Variants in MRO observed in about 807,000 individuals in gnomAD.
The protein encoded by MRO is maestro.
Under a neutral mutation model 31.0 loss-of-function variants are expected in MRO, and 28 were observed. The observed-to-expected ratio is 0.90, with a 90% CI of 0.67 to 1.24. The LOEUF (loss-of-function observed/expected upper bound fraction) is 1.24, where lower values mean the gene tolerates loss of function less well. Ranked by LOEUF, MRO falls within the 50% of genes most tolerant of loss-of-function variation. The probability of loss-of-function intolerance (pLI) is 0.00; values close to 1 mark genes in which losing one functional copy is unlikely to be tolerated. For synonymous variants in MRO, 108 were observed against 108.4 expected (o/e 1.00, Z 0.02); for missense variants, 332 against 289.2 (o/e 1.15, Z -1.07).
intron 5 of MRO, among the ~76,000 whole-genome samples, chr18:50,803,078 G>A (rs1029209718): frequency 2.0e-5 from 3 of 152,150 alleles, no homozygotes; most frequent in Non-Finnish European, 2.9e-5. Context: ...GCACGGGTGA[G>A]CTTCATGGCC....
At chr18:50,814,616 C>A in intron 2 of MRO, 1 of 213,214 alleles carries the variant, frequency 4.7e-6, no homozygotes, top group South Asian at 8.6e-5. Context: ...GGGCATATAG[C>A]GGAACCAAAG....
upstream of MRO, among the ~76,000 whole-genome samples, chr18:50,824,894 G>A (rs902733971): frequency 2.1e-4 from 32 of 150,872 alleles, no homozygotes; most frequent in Non-Finnish European, 7.4e-5. Flanking sequence ...GGCCAATGTG[G>A]TGAAACCCTG....
At chr18:50,823,257 T>TC (rs1915375169), upstream of MRO, among the ~76,000 whole-genome samples, 1 of 151,902 alleles carries the variant, frequency 6.6e-6, no homozygotes, top group Non-Finnish European at 1.5e-5. Flanking sequence ...TCCTCCCACT[T>TC]CTCTACCTAT....
At position 50,806,690 on chromosome 18, in the gene MRO, C is replaced by G. The variant is rs201053380; in HGVS notation, c.246+14G>C. On this transcript the variant is annotated intron_variant, in intron 4 of 7. Coordinates refer to ENST00000398439, the MANE Select transcript of MRO (RefSeq NM_031939.6). ...GGCTTGGGGAGCTGGCTGAGCCCCA[C>G]TCTCCTTCCCTACCTTGTCAGGGGC... 2 of 1,613,980 alleles carry G rather than the reference C, an allele frequency of 1.2e-6. No homozygotes were observed. Among genetic ancestry groups the G allele is most frequent in the East Asian group, 2.2e-5 (1 of 44,874 alleles).
chr18:50,804,322 C>T (rs941781923), intron 5 of MRO, among the ~76,000 whole-genome samples: 1 of 152,224 alleles, frequency 6.6e-6, no homozygotes, highest in Non-Finnish European at 1.5e-5. Flanking sequence ...AATATACCCA[C>T]TTCTCTGTTA....
In MRO at chr18:50,795,138, T is replaced by C. The variant is rs1912688120; in HGVS notation, c.*4199A>G. 6.6e-6 allele frequency: 1 copy of C among 152,226 alleles called. No individual in the cohort carries two copies. The highest frequency in any genetic ancestry group is 2.4e-5 in the African/African-American group (1 of 41,452). 9.4% of individuals were successfully genotyped at this position (152,226 alleles called of 1,614,324 possible). A position where few individuals can be genotyped will look rare whatever the true frequency, so the allele number is the denominator to read the frequency against. ...ACATAAATAAAATGATAATCAATCATAAGTCATTTTATTTGTTATCAAGTT... is the reference window on the plus strand; with the variant it reads ...ACATAAATAAAATGATAATCAATCACAAGTCATTTTATTTGTTATCAAGTT... On this transcript the variant is annotated 3_prime_UTR_variant, in exon 8 of 8. Transcript: ENST00000398439.
rs56936277 is a variant in MRO at position 50,808,457 on chromosome 18, C to CTTT, written c.99+842_99+844dup. ...ACAGTTCATTCCTTTTTTATCTTAT[C>CTTT]TTTTTTTTTTTTTTAATTTAAGACA... On this transcript the variant is annotated intron_variant, in intron 3 of 7. Coordinates refer to ENST00000398439, the MANE Select transcript of MRO (RefSeq NM_031939.6). Among the ~76,000 whole-genome samples, 119 of 142,688 alleles carry CTTT rather than the reference C, an allele frequency of 8.3e-4. 1 individual carries two copies. The highest frequency in any genetic ancestry group is 1.6e-3 in the South Asian group (7 of 4,424). 93.6% of individuals were successfully genotyped at this position (142,688 alleles called of 152,430 possible). A position where few individuals can be genotyped will look rare whatever the true frequency, so the allele number is the denominator to read the frequency against.
chr18:50,817,582 G>A (rs1355970263), intron 2 of MRO, among the ~76,000 whole-genome samples: 4 of 152,184 alleles, frequency 2.6e-5, no homozygotes, highest in African/African-American at 4.8e-5. Flanking sequence ...TGTCGGGCCT[G>A]AGCATTGCAC....
At chr18:50,802,904 A>ATG (rs1913505202) in intron 5 of MRO, among the ~76,000 whole-genome samples, 1 of 147,756 alleles carries the variant, frequency 6.8e-6, no homozygotes, top group African/African-American at 2.6e-5. Context: ...GTGTTTGTGT[A>ATG]TGTGTGTGTG....
intron 2 of MRO, among the ~76,000 whole-genome samples, chr18:50,811,203 A>G (rs1369443557): frequency 6.6e-6 from 1 of 152,266 alleles, no homozygotes; most frequent in East Asian, 1.9e-4. Flanking sequence ...TACTTTGTAG[A>G]TATGAGTAAC....
In MRO at chr18:50,799,975, G is replaced by A. The variant is rs182835094; in HGVS notation, c.693+61C>T. On this transcript the variant is annotated intron_variant, in intron 7 of 7. Coordinates refer to ENST00000398439, the MANE Select transcript of MRO (RefSeq NM_031939.6). ...TCTTTCTTGTGCTTGGCCACCTTCC[G>A]TGTTAACCACCAGGAGGGCAGGGAC... 4.3e-4 allele frequency: 516 copies of A among 1,187,758 alleles called. 1 individual carries two copies. Among genetic ancestry groups the A allele is most frequent in the Non-Finnish European group, 6.0e-4 (481 of 803,196 alleles). 73.6% of individuals were successfully genotyped at this position (1,187,758 alleles called of 1,614,324 possible). A position where few individuals can be genotyped will look rare whatever the true frequency, so the allele number is the denominator to read the frequency against.
chr18:50,808,937 A>C (rs1332084935), intron 3 of MRO, among the ~76,000 whole-genome samples: 27 of 150,908 alleles, frequency 1.8e-4, no homozygotes, highest in African/African-American at 6.3e-4. Flanking sequence ...GGAGATCGAG[A>C]CCATCCTGGC....
rs1267404686 is a variant in MRO at position 50,798,279 on chromosome 18, T to A, written c.*1058A>T. On this transcript the variant is annotated 3_prime_UTR_variant, in exon 8 of 8. Coordinates refer to ENST00000398439, the MANE Select transcript of MRO (RefSeq NM_031939.6). ...ACATTAATAGCCAAAAAGTAATTAATAAAAACACTCAGCTCACATAAATTA... is the reference window on the plus strand; with the variant it reads ...ACATTAATAGCCAAAAAGTAATTAAAAAAAACACTCAGCTCACATAAATTA... The A allele has an allele frequency of 6.6e-6, 1 of 152,144 alleles. No homozygotes were observed. Among genetic ancestry groups the A allele is most frequent in the African/African-American group, 2.4e-5 (1 of 41,414 alleles). 9.4% of individuals were successfully genotyped at this position (152,144 alleles called of 1,614,324 possible). A position where few individuals can be genotyped will look rare whatever the true frequency, so the allele number is the denominator to read the frequency against.
At chr18:50,806,383 A>G (rs1361584159) in intron 4 of MRO, among the ~76,000 whole-genome samples, 7 of 152,206 alleles carry the variant, frequency 4.6e-5, no homozygotes, top group African/African-American at 1.4e-4. Flanking sequence ...CCTCTGTCCC[A>G]CAATGGGAAG....
chr18:50,817,995 C>T (rs1915068854), intron 2 of MRO, among the ~76,000 whole-genome samples: 1 of 116,034 alleles, frequency 8.6e-6, no homozygotes, highest in South Asian at 2.8e-4. Flanking sequence ...AGAACTCCCA[C>T]CCCCCGCCCC....
chr18:50,814,616 C>T (rs781654114), intron 2 of MRO: 11 of 213,096 alleles, frequency 5.2e-5, no homozygotes, highest in African/African-American at 1.4e-4. Flanking sequence ...GGGCATATAG[C>T]GGAACCAAAG....
Position 50,809,154 on chromosome 18 carries a change from A to C in MRO, c.99+148T>G, listed in dbSNP as rs536953910. 3.4e-4 allele frequency: 36 copies of C among 107,270 alleles called. 1 individual carries two copies. In the East Asian group the frequency reaches 3.4e-3, roughly 10 times the overall value. 6.6% of individuals were successfully genotyped at this position (107,270 alleles called of 1,614,324 possible). A position where few individuals can be genotyped will look rare whatever the true frequency, so the allele number is the denominator to read the frequency against. ...AGCGAGACTCCGTCTCAAAAAAAAA[A>C]AAAAAAAAAAAAAAAAAAACTGTCA... is the stretch of plus-strand genomic sequence containing the variant. On this transcript the variant is annotated intron_variant, in intron 3 of 7. Transcript: ENST00000398439.
intron 3 of MRO, among the ~76,000 whole-genome samples, chr18:50,808,763 T>C (rs1191812981): frequency 6.6e-6 from 1 of 150,834 alleles, no homozygotes; most frequent in Non-Finnish European, 1.5e-5. Flanking sequence ...CCTCATTCCA[T>C]ATTTGTATTA....
At chr18:50,800,580 A>T (rs114212106) in intron 6 of MRO, among the ~76,000 whole-genome samples, 2,089 of 152,338 alleles carry the variant, frequency 0.014, 47 homozygotes, top group African/African-American at 0.048. Flanking sequence ...AACTACCAGA[A>T]GAAATTAATA....
Sources: allele counts gnomAD v4.1 joint callset (sites outside exome capture counted in the v4.1 genomes callset), GRCh38; gene constraint gnomAD v4.1.1; transcripts MANE v1.5; gene names NCBI Gene and HGNC (gene_info 2026-07-23, HGNC 2026-07-21).